The following PDE10A variants were observed in gnomAD, a reference collection of about 807,000 sequenced individuals.
PDE10A encodes cAMP and cAMP-inhibited cGMP 3',5'-cyclic phosphodiesterase 10A.
In PDE10A, 39 loss-of-function variants were observed where a neutral mutation model predicts 97.7. The observed-to-expected ratio is 0.40, with a 90% CI of 0.31 to 0.52. The LOEUF is 0.52. Among genes scored for constraint, PDE10A ranks in the 20% least tolerant of loss-of-function variants. The probability of loss-of-function intolerance (pLI) is 0.56; values close to 1 mark genes in which losing one functional copy is unlikely to be tolerated. For synonymous variants in PDE10A, 371 were observed against 376.8 expected, an observed-to-expected ratio of 0.98 and a Z score of 0.18; for missense variants, 731 against 1,047.8, an observed-to-expected ratio of 0.70 and a Z score of 4.17.
intron 1 of PDE10A, among the ~76,000 whole-genome samples, chr6:165,930,972 A>G (rs558072600): frequency 6.6e-6 from 1 of 152,342 alleles, no homozygotes; most frequent in East Asian, 1.9e-4. Context: ...AGCCCCGTGA[A>G]ATATGGTGAG....
At position 165,547,341 on chromosome 6, in the gene PDE10A, G is replaced by A. The variant is rs542189729; in HGVS notation, c.866-3773C>T. On this transcript the variant is annotated intron_variant, in intron 1 of 21. Coordinates refer to ENST00000539869, the MANE Select transcript of PDE10A (RefSeq NM_001385079.1). ...AATAAATGATAGAAGAGAAGCACAC[G>A]GGTATTGATAGACTGAATGATCAGG... 1.1e-3 allele frequency among the ~76,000 whole-genome samples: 161 copies of A among 152,142 alleles called. 2 individuals are homozygous for A. Among genetic ancestry groups the A allele is most frequent in the African/African-American group, 3.7e-3 (153 of 41,536 alleles).
At chr6:165,616,416 T>C (rs1433674903) in intron 1 of PDE10A, among the ~76,000 whole-genome samples, 2 of 151,950 alleles carry the variant, frequency 1.3e-5, no homozygotes, top group African/African-American at 2.4e-5. Flanking sequence ...GAAAACACTT[T>C]TCAAAAAAAA....
At chr6:165,982,915 A>T (rs1785063032) in intron 1 of PDE10A, among the ~76,000 whole-genome samples, 1 of 152,234 alleles carries the variant, frequency 6.6e-6, no homozygotes, top group South Asian at 2.1e-4. Context: ...GGCATAGTCC[A>T]TTTGCACACC....
At chr6:165,972,478 C>G (rs1176501272) in intron 1 of PDE10A, among the ~76,000 whole-genome samples, 1 of 152,152 alleles carries the variant, frequency 6.6e-6, no homozygotes, top group Non-Finnish European at 1.5e-5. Context: ...TGTGAAACAC[C>G]TACTCTACTT....
chr6:165,349,019 T>G (rs1782507167), intron 18 of PDE10A, among the ~76,000 whole-genome samples: 1 of 152,188 alleles, frequency 6.6e-6, no homozygotes, highest in Non-Finnish European at 1.5e-5. Context: ...TATTTCTTCA[T>G]AGCAGCATGA....
chr6:165,727,339 G>A (rs1792324690), intron 1 of PDE10A, among the ~76,000 whole-genome samples: 1 of 152,228 alleles, frequency 6.6e-6, no homozygotes, highest in African/African-American at 2.4e-5. Context: ...AGTCCAGTGT[G>A]CAGAGTTTGT....
intron 13 of PDE10A, among the ~76,000 whole-genome samples, chr6:165,409,177 A>G (rs1291686795): frequency 2.0e-5 from 3 of 151,932 alleles, no homozygotes; most frequent in East Asian, 3.9e-4. Flanking sequence ...AAAAAAAAAA[A>G]AAAAAGAAAA....
intron 1 of PDE10A, among the ~76,000 whole-genome samples, chr6:165,628,076 G>T (rs1788467593): frequency 6.6e-6 from 1 of 152,130 alleles, no homozygotes; most frequent in South Asian, 2.1e-4. Context: ...TAAATGATGA[G>T]AATTTAAAAG....
intron 1 of PDE10A, among the ~76,000 whole-genome samples, chr6:165,923,416 G>C (rs965896178): frequency 6.6e-6 from 1 of 152,204 alleles, no homozygotes; most frequent in African/African-American, 2.4e-5. Context: ...CTACTAGAGA[G>C]ATACGTGTAC....
chr6:165,865,317 T>G (rs1169605441), intron 1 of PDE10A, among the ~76,000 whole-genome samples: 1 of 152,176 alleles, frequency 6.6e-6, no homozygotes, highest in African/African-American at 2.4e-5. Flanking sequence ...ATAAAGCCAA[T>G]TTTATAAATT....
At chr6:165,755,869 T>C (rs1157662595) in intron 1 of PDE10A, among the ~76,000 whole-genome samples, 1 of 152,022 alleles carries the variant, frequency 6.6e-6, no homozygotes, top group African/African-American at 2.4e-5. Flanking sequence ...AGCAGGAAAA[T>C]GTGTATTGAG....
At chr6:165,524,779 T>G (rs1285760212) in intron 2 of PDE10A, among the ~76,000 whole-genome samples, 1 of 152,138 alleles carries the variant, frequency 6.6e-6, no homozygotes, top group African/African-American at 2.4e-5. Context: ...CCTCGCCAGG[T>G]GTCTGCTGTT....
At position 165,662,151 on chromosome 6, in the gene PDE10A, G is replaced by A. The variant is rs1790307366; in HGVS notation, c.661C>T (p.Leu221Phe). Reference sequence around the variant, plus strand: ...CCCGCGCGGCGGGCGGCCTGGCCAAGGGGGAGCCGGGGCGGCGGCGGCGGC... The same window carrying A: ...CCCGCGCGGCGGGCGGCCTGGCCAAAGGGGAGCCGGGGCGGCGGCGGCGGC... The part of the protein sequence containing the change: ...PRPPPPPRLP[L>F]GQAARRAGSP... Residue 221 changes from leucine (L) to phenylalanine (F), a missense_variant, in exon 1 of 22, where the codon CTT (leucine) becomes TTT (phenylalanine). Coordinates refer to ENST00000539869, the MANE Select transcript of PDE10A (RefSeq NM_001385079.1). 1 of 460,038 alleles carries A rather than the reference G, an allele frequency of 2.2e-6. No homozygotes were observed. Among genetic ancestry groups the A allele is most frequent in the Non-Finnish European group, 2.9e-6 (1 of 350,374 alleles). 28.5% of individuals were successfully genotyped at this position (460,038 alleles called of 1,614,324 possible). A position where few individuals can be genotyped will look rare whatever the true frequency, so the allele number is the denominator to read the frequency against.
intron 8 of PDE10A, 98 bp from the exon 9 acceptor site, chr6:165,430,443 C>A: frequency 1.5e-6 from 1 of 687,054 alleles, no homozygotes; most frequent in Non-Finnish European, 2.5e-6. Flanking sequence ...GAAAGAAGGC[C>A]TAACACAATC....
At chr6:165,531,561 C>T (rs1165397020) in intron 2 of PDE10A, among the ~76,000 whole-genome samples, 1 of 152,072 alleles carries the variant, frequency 6.6e-6, no homozygotes, top group Non-Finnish European at 1.5e-5. Context: ...GGGGCAAAAC[C>T]TTCAACAACA....
At chr6:165,409,904 T>TTTC (rs1554257376) in intron 13 of PDE10A, among the ~76,000 whole-genome samples, 11 of 151,268 alleles carry the variant, frequency 7.3e-5, no homozygotes, top group Admixed American at 4.6e-4. Context: ...TTTTTTTTTT[T>TTTC]CTGTGTGGTT....
At position 165,644,222 on chromosome 6, in the gene PDE10A, A is replaced by AT. The variant is rs67743265; in HGVS notation, c.865+17724dup. On this transcript the variant is annotated intron_variant, in intron 1 of 21. Transcript: ENST00000539869. ...AGGCGCCCGCCACCACGCCCCGCTA[A>AT]TTTTTTTTTGTATTTTTAGTAGAGA... is the stretch of plus-strand genomic sequence containing the variant. Among the ~76,000 whole-genome samples, 95 of 151,254 alleles carry AT rather than the reference A, an allele frequency of 6.3e-4. No individual in the cohort carries two copies. The Middle Eastern group carries it at 0.014, about 22-fold the overall frequency.
chr6:165,722,196 G>T (rs76094027), intron 1 of PDE10A, among the ~76,000 whole-genome samples: 1,601 of 152,342 alleles, frequency 0.011, 31 homozygotes, highest in African/African-American at 0.037. Context: ...CATGTCCAGT[G>T]CTGTGAGATA....
At chr6:165,850,036 T>C (rs1780533314) in intron 1 of PDE10A, among the ~76,000 whole-genome samples, 2 of 152,178 alleles carry the variant, frequency 1.3e-5, no homozygotes, top group East Asian at 1.9e-4. Flanking sequence ...AAGTACTTTC[T>C]GGGTACTTTA....
Sources: allele counts gnomAD v4.1 joint callset (sites outside exome capture counted in the v4.1 genomes callset), GRCh38; gene constraint gnomAD v4.1.1; transcripts MANE v1.5; gene names NCBI Gene and HGNC (gene_info 2026-07-23, HGNC 2026-07-21).